TAB2: variants seen among roughly 807,000 people sequenced by gnomAD.
TAB2 encodes the protein TGF-beta-activated kinase 1 and MAP3K7-binding protein 2.
TAB2 carries 3 observed loss-of-function variants against 65.0 expected under a neutral mutation model. The observed-to-expected ratio is 0.05, with a 90% confidence interval of 0.02 to 0.12. The LOEUF is 0.12. TAB2 is among the 10% of genes least tolerant of loss of function. TAB2 has a pLI of 1.00. For missense variants in TAB2, 623 were observed against 840.3 expected (o/e 0.74, Z 3.20); for synonymous variants, 298 against 285.1 (o/e 1.05, Z -0.46).
chr6:149,275,300 G>GAAAGAGAA (rs1223068467), intron 1 of TAB2, among the ~76,000 whole-genome samples: 1 of 128,302 alleles, frequency 7.8e-6, no homozygotes, highest in South Asian at 2.5e-4. Flanking sequence ...AAGAAAGAAA[G>GAAAGAGAA]AGAAAAAAGA....
At chr6:149,357,437 A>ACACACACACG (rs1269438633) in intron 1 of TAB2, among the ~76,000 whole-genome samples, 1 of 138,972 alleles carries the variant, frequency 7.2e-6, no homozygotes, top group Non-Finnish European at 1.6e-5. Flanking sequence ...AAAAACACAC[A>ACACACACACG]CACACACACA....
At chr6:149,326,943 T>C (rs1779638901) in intron 1 of TAB2, among the ~76,000 whole-genome samples, 1 of 152,224 alleles carries the variant, frequency 6.6e-6, no homozygotes, top group Non-Finnish European at 1.5e-5. Context: ...TCCTTTTGGA[T>C]AGGTCACTTA....
intron 2 of TAB2, among the ~76,000 whole-genome samples, chr6:149,377,601 A>G (rs985316829): frequency 6.6e-6 from 1 of 152,266 alleles, no homozygotes; most frequent in African/African-American, 2.4e-5. Context: ...ATTGTGCTAT[A>G]TATCAAACAT....
intron 1 of TAB2, among the ~76,000 whole-genome samples, chr6:149,225,448 C>T (rs1777248519): frequency 6.6e-6 from 1 of 152,122 alleles, no homozygotes; most frequent in Non-Finnish European, 1.5e-5. Context: ...TAGAGTTTGT[C>T]AGATTCCAGA....
chr6:149,311,495 G>T (rs1395903207), intron 1 of TAB2, among the ~76,000 whole-genome samples: 1 of 152,178 alleles, frequency 6.6e-6, no homozygotes, highest in East Asian at 1.9e-4. Flanking sequence ...TTGCGCAATG[G>T]TATGGTGAAG....
intron 1 of TAB2, among the ~76,000 whole-genome samples, chr6:149,300,174 A>G (rs995913901): frequency 1.3e-5 from 2 of 152,246 alleles, no homozygotes; most frequent in Admixed American, 6.5e-5. Flanking sequence ...AGACCCCTGT[A>G]ATCCTGGTGA....
intron 1 of TAB2, among the ~76,000 whole-genome samples, chr6:149,355,955 CA>C (rs74510470): frequency 0.02 from 2,905 of 147,316 alleles, 59 homozygotes; most frequent in South Asian, 0.099. Flanking sequence ...TGTATTGCCA[CA>C]AAAAAAAAAC....
chr6:149,403,347 C>T lies in TAB2; in HGVS notation c.1939+4163C>T, dbSNP rs1282449995. Among the ~76,000 whole-genome samples, 278 of 29,728 alleles carry T rather than the reference C, an allele frequency of 9.4e-3. 15 individuals are homozygous for T. The highest frequency in any genetic ancestry group is 0.056 in the African/African-American group (264 of 4,742). 19.5% of individuals were successfully genotyped at this position (29,728 alleles called of 152,430 possible). On this transcript the variant is annotated intron_variant, in intron 6 of 6. Coordinates refer to ENST00000637181, the MANE Select transcript of TAB2 (RefSeq NM_001292034.3). ...ATATATATACATATATATACACACACACACACACACACACACACACACACA... is the reference window on the plus strand; with the variant it reads ...ATATATATACATATATATACACACATACACACACACACACACACACACACA...
rs375406263 is a variant in TAB2 at position 149,253,921 on chromosome 6, C to CGAAA, written c.-121+35164_-121+35167dup. The stretch of plus-strand genomic sequence containing the variant: ...TGGGTGACAGAGAGAGACTCCATCT[C>CGAAA]GAAAGAAAGAAAGAAAGAAAGAGAA... On this transcript the variant is annotated intron_variant, in intron 1 of 1. Coordinates refer to the TAB2 transcript ENST00000606202. Among the ~76,000 whole-genome samples, 140 of 74,968 alleles carry CGAAA rather than the reference C, an allele frequency of 1.9e-3. 2 individuals are homozygous for CGAAA. The highest frequency in any genetic ancestry group is 8.1e-3 in the Middle Eastern group (1 of 124). The allele number at this position is 74,968 out of a possible 152,430, so 49.2% of individuals were successfully genotyped here.
chr6:149,275,131 T>TA (rs1308849558), intron 1 of TAB2, among the ~76,000 whole-genome samples: 3 of 119,700 alleles, frequency 2.5e-5, no homozygotes, highest in Admixed American at 2.4e-4. Flanking sequence ...TTCTGTTTTT[T>TA]TTTTTTTTTT....
intron 1 of TAB2, among the ~76,000 whole-genome samples, chr6:149,274,233 C>A (rs989437155): frequency 3.3e-5 from 5 of 152,198 alleles, no homozygotes; most frequent in Admixed American, 2.6e-4. Context: ...CACCCAAAGG[C>A]CTCACAGGAG....
chr6:149,409,886 G>T lies in TAB2; in HGVS notation c.*167G>T. The stretch of plus-strand genomic sequence containing the variant: ...AGCCCACAGAGCTAATAATACCTCA[G>T]TATAATGTCATGAGCAGTTGAAATT... On this transcript the variant is annotated 3_prime_UTR_variant, in exon 7 of 7. Coordinates refer to ENST00000637181, the MANE Select transcript of TAB2 (RefSeq NM_001292034.3). 4 of 743,720 alleles carry T rather than the reference G, an allele frequency of 5.4e-6. No individual in the cohort carries two copies. In the Middle Eastern group the frequency reaches 1.0e-3, roughly 194 times the overall value. The allele number at this position is 743,720 out of a possible 1,614,324, so 46.1% of individuals were successfully genotyped here.
At chr6:149,374,201 C>T (rs1781326373) in intron 2 of TAB2, among the ~76,000 whole-genome samples, 1 of 152,116 alleles carries the variant, frequency 6.6e-6, no homozygotes, top group African/African-American at 2.4e-5. Context: ...AGAATTGCTG[C>T]TAAGAATGAA....
At chr6:149,292,636 G>C (rs968705614) in intron 1 of TAB2, among the ~76,000 whole-genome samples, 2 of 152,084 alleles carry the variant, frequency 1.3e-5, no homozygotes, top group African/African-American at 4.8e-5. Flanking sequence ...AAATTAAGGA[G>C]CATAAAAATG....
At chr6:149,401,921 CAT>C (rs1477515237) in intron 6 of TAB2, among the ~76,000 whole-genome samples, 2 of 148,790 alleles carry the variant, frequency 1.3e-5, no homozygotes, top group South Asian at 2.1e-4. Flanking sequence ...AAAAGGAAAA[CAT>C]AGCATACTAG....
intron 1 of TAB2, among the ~76,000 whole-genome samples, chr6:149,248,571 A>C (rs1181184475): frequency 6.6e-6 from 1 of 152,028 alleles, no homozygotes; most frequent in Non-Finnish European, 1.5e-5. Context: ...GAGTCTCCCC[A>C]CTGGCCAGCA....
chr6:149,324,261 G>T (rs1323957284), intron 1 of TAB2, among the ~76,000 whole-genome samples: 1 of 151,976 alleles, frequency 6.6e-6, no homozygotes, highest in Non-Finnish European at 1.5e-5. Context: ...CAGAGATTTT[G>T]GTAGAAATGT....
At chr6:149,305,100 A>G (rs1323169747) in intron 1 of TAB2, among the ~76,000 whole-genome samples, 1 of 152,006 alleles carries the variant, frequency 6.6e-6, no homozygotes, top group Non-Finnish European at 1.5e-5. Flanking sequence ...TATATTTTCC[A>G]TCTACAATTG....
chr6:149,290,960 T>C lies in TAB2; in HGVS notation c.-121+72184T>C, dbSNP rs867182669. ...TCTTCACCTTCTTTACATTAAAAATTTACAGGGTAAACCCTATTTTCATAG... is the reference window on the plus strand; with the variant it reads ...TCTTCACCTTCTTTACATTAAAAATCTACAGGGTAAACCCTATTTTCATAG... On this transcript the variant is annotated intron_variant, in intron 1 of 1. Coordinates refer to the TAB2 transcript ENST00000606202. 2.0e-5 allele frequency among the ~76,000 whole-genome samples: 3 copies of C among 152,350 alleles called. No individual in the cohort carries two copies. In the South Asian group the frequency reaches 6.2e-4, roughly 32 times the overall value.
Sources: gnomAD v4.1 joint callset for allele counts (sites outside exome capture counted in the v4.1 genomes callset) on GRCh38, gnomAD v4.1.1 for gene constraint, MANE v1.5 for transcripts, NCBI Gene and HGNC (gene_info 2026-07-23, HGNC 2026-07-21) for gene names.